ADGRL3: variants seen among roughly 807,000 people sequenced by gnomAD.
ADGRL3 encodes adhesion G protein-coupled receptor L3.
A neutral mutation model predicts 153.5 loss-of-function variants in ADGRL3; 62 were observed. The ratio of observed to expected loss-of-function variants is 0.40; its 90% CI spans 0.33 to 0.50. The LOEUF (loss-of-function observed/expected upper bound fraction) is 0.50, where lower values mean the gene tolerates loss of function less well. Among genes scored for constraint, ADGRL3 ranks in the 20% least tolerant of loss-of-function variants. The pLI, the probability that ADGRL3 is intolerant of heterozygous loss-of-function variation, is 0.47. For synonymous variants in ADGRL3, 710 were observed against 672.5 expected, an observed-to-expected ratio of 1.06 and a Z score of -0.86; for missense variants, 1,641 against 1,859.4, an observed-to-expected ratio of 0.88 and a Z score of 2.16.
At position 61,972,284 on chromosome 4, in the gene ADGRL3, G is replaced by T. The variant is rs537148827; in HGVS notation, c.2806-7279G>T. Among the ~76,000 whole-genome samples, 32 of 152,220 alleles carry T rather than the reference G, an allele frequency of 2.1e-4. No homozygotes were observed. In the East Asian group the frequency reaches 5.6e-3, roughly 27 times the overall value. ...TAGGTTTTCTTCTAGGGTTTTTATGGTTTTAGGTCTAAAGTTTAAGTCTTT... is the reference window on the plus strand; with the variant it reads ...TAGGTTTTCTTCTAGGGTTTTTATGTTTTTAGGTCTAAAGTTTAAGTCTTT... On this transcript the variant is annotated intron_variant, in intron 17 of 26. Coordinates refer to ENST00000683033, the MANE Select transcript of ADGRL3 (RefSeq NM_001387552.1).
At chr4:61,654,770 G>C (rs1259044221) in intron 5 of ADGRL3, among the ~76,000 whole-genome samples, 1 of 151,958 alleles carries the variant, frequency 6.6e-6, no homozygotes, top group Non-Finnish European at 1.5e-5. Context: ...GATGGCAGGT[G>C]CCTGTAATCC....
chr4:61,674,367 A>G (rs1041428748), intron 5 of ADGRL3, among the ~76,000 whole-genome samples: 8 of 151,530 alleles, frequency 5.3e-5, no homozygotes, highest in Non-Finnish European at 1.0e-4. Flanking sequence ...TATATCGTAC[A>G]TTGATTATTT....
intron 2 of ADGRL3, among the ~76,000 whole-genome samples, chr4:61,417,672 A>G (rs1269356358): frequency 6.7e-6 from 1 of 148,836 alleles, no homozygotes; most frequent in Non-Finnish European, 1.5e-5. Context: ...TAAAATAATA[A>G]TCGATGTTTT....
intron 5 of ADGRL3, among the ~76,000 whole-genome samples, chr4:61,660,831 A>G (rs1452574977): frequency 6.6e-6 from 1 of 152,142 alleles, no homozygotes; most frequent in Non-Finnish European, 1.5e-5. Flanking sequence ...AGAATACTTT[A>G]CTTGGTTGCC....
chr4:61,443,214 A>G (rs894686399), intron 2 of ADGRL3, among the ~76,000 whole-genome samples: 1 of 152,190 alleles, frequency 6.6e-6, no homozygotes, highest in Non-Finnish European at 1.5e-5. Flanking sequence ...GTAATTTTCG[A>G]AATCCTATTA....
At chr4:61,366,775 C>A (rs574752249) in intron 1 of ADGRL3, among the ~76,000 whole-genome samples, 1 of 152,110 alleles carries the variant, frequency 6.6e-6, no homozygotes, top group Admixed American at 6.6e-5. Flanking sequence ...ACCTTTTAAG[C>A]TTATTATTGC....
At chr4:61,759,486 G>A (rs189491371) in intron 8 of ADGRL3, among the ~76,000 whole-genome samples, 24 of 152,086 alleles carry the variant, frequency 1.6e-4, no homozygotes, top group Admixed American at 9.2e-4. Flanking sequence ...TTGTGCATTC[G>A]TCACATAGTT....
chr4:61,698,768 C>G (rs1433447667), intron 6 of ADGRL3, among the ~76,000 whole-genome samples: 1 of 152,106 alleles, frequency 6.6e-6, no homozygotes, highest in East Asian at 1.9e-4. Context: ...GCAGCCACAG[C>G]TTATAAACTG....
intron 1 of ADGRL3, among the ~76,000 whole-genome samples, chr4:61,245,099 C>T (rs1218541509): frequency 6.6e-6 from 1 of 151,936 alleles, no homozygotes; most frequent in Non-Finnish European, 1.5e-5. Flanking sequence ...ATTCTTGTTT[C>T]CTTCTTGTCC....
intron 9 of ADGRL3, among the ~76,000 whole-genome samples, chr4:61,828,366 T>A (rs2065756272): frequency 6.6e-6 from 1 of 152,244 alleles, no homozygotes; most frequent in Non-Finnish European, 1.5e-5. Context: ...AGGCTTGTAG[T>A]TCTGATTTGC....
chr4:62,021,086 T>A (rs1560515652), intron 21 of ADGRL3, among the ~76,000 whole-genome samples: 2 of 151,484 alleles, frequency 1.3e-5, no homozygotes, highest in African/African-American at 4.8e-5. Context: ...CAAAATACTT[T>A]AAAAAAAAAC....
chr4:61,950,811 C>A lies in ADGRL3; in HGVS notation c.2805+2535C>A, dbSNP rs147968964. 5.0e-3 allele frequency among the ~76,000 whole-genome samples: 768 copies of A among 152,280 alleles called. 7 individuals carry two copies. Among genetic ancestry groups the A allele is most frequent in the African/African-American group, 0.017 (707 of 41,568 alleles). On this transcript the variant is annotated intron_variant, in intron 17 of 26. Transcript: ENST00000683033. ...GAGTCAAAGGAGGTTGTTTCAGTAG[C>A]TATTGGATAAAACTGGTTTCAGATT... is the stretch of plus-strand genomic sequence containing the variant.
At chr4:61,997,384 T>A (rs1025034943) in intron 20 of ADGRL3, among the ~76,000 whole-genome samples, 1 of 152,160 alleles carries the variant, frequency 6.6e-6, no homozygotes. Context: ...ATTTTTTTTT[T>A]AACAACCTTC....
At chr4:61,436,637 T>A (rs181772656) in intron 2 of ADGRL3, among the ~76,000 whole-genome samples, 1 of 152,014 alleles carries the variant, frequency 6.6e-6, no homozygotes, top group African/African-American at 2.4e-5. Context: ...GCACTGGAGG[T>A]TGCTCATTTT....
At chr4:61,640,893 T>G (rs1448482967) in intron 5 of ADGRL3, among the ~76,000 whole-genome samples, 1 of 152,204 alleles carries the variant, frequency 6.6e-6, no homozygotes, top group Non-Finnish European at 1.5e-5. Flanking sequence ...AGAACAAGGT[T>G]CTGCTTAATA....
chr4:61,667,361 G>T (rs1414499221), intron 5 of ADGRL3, among the ~76,000 whole-genome samples: 1 of 152,034 alleles, frequency 6.6e-6, no homozygotes, highest in Non-Finnish European at 1.5e-5. Context: ...AAAGAAGTTA[G>T]TATTTTTTTA....
intron 2 of ADGRL3, among the ~76,000 whole-genome samples, chr4:61,436,746 A>G (rs2097451293): frequency 6.6e-6 from 1 of 152,130 alleles, no homozygotes; most frequent in Non-Finnish European, 1.5e-5. Context: ...GTAAATGTTG[A>G]GGCCAATTTC....
intron 6 of ADGRL3, among the ~76,000 whole-genome samples, chr4:61,688,437 C>T (rs2095484566): frequency 6.6e-6 from 1 of 152,040 alleles, no homozygotes; most frequent in South Asian, 2.1e-4. Context: ...AGTTACTTTA[C>T]TGCTCTGAGT....
intron 4 of ADGRL3, chr4:61,579,472 G>C (rs73215849): frequency 0.2 from 58,856 of 297,094 alleles, 6,292 homozygotes; most frequent in Non-Finnish European, 0.23. Flanking sequence ...ATTAAATGTT[G>C]AAATGCTATA....
Sources: allele counts gnomAD v4.1 joint callset (sites outside exome capture counted in the v4.1 genomes callset), GRCh38; gene constraint gnomAD v4.1.1; transcripts MANE v1.5; gene names NCBI Gene and HGNC (gene_info 2026-07-23, HGNC 2026-07-21).